LARP1B: variants seen among roughly 807,000 people sequenced by gnomAD.
LARP1B encodes La ribonucleoprotein 1B.
A neutral mutation model predicts 114.2 loss-of-function variants in LARP1B; 76 were observed. That is an observed-to-expected ratio of 0.67 (90% CI 0.55 to 0.81). The LOEUF is 0.81. Among genes scored for constraint, LARP1B ranks in the 30% least tolerant of loss-of-function variants. LARP1B has a pLI of 0.00. For synonymous variants in LARP1B, 345 were observed against 348.0 expected (o/e 0.99, Z 0.10); for missense variants, 1,014 against 1,075.8 (o/e 0.94, Z 0.80).
chr4:128,192,256 A>G (rs1449741758), intron 15 of LARP1B, among the ~76,000 whole-genome samples: 1 of 152,190 alleles, frequency 6.6e-6, no homozygotes, highest in Non-Finnish European at 1.5e-5. Flanking sequence ...GGAAGCCAAA[A>G]TATTCATGTG....
chr4:128,120,314 G>A (rs1787455683), intron 10 of LARP1B, among the ~76,000 whole-genome samples: 1 of 152,112 alleles, frequency 6.6e-6, no homozygotes, highest in African/African-American at 2.4e-5. Context: ...GGTAAAATAG[G>A]CCAGAGGACG....
chr4:128,088,882 G>T (rs562312154), intron 5 of LARP1B, among the ~76,000 whole-genome samples: 4 of 152,044 alleles, frequency 2.6e-5, no homozygotes, highest in Non-Finnish European at 1.5e-5. Flanking sequence ...GGCTTGATCT[G>T]GGAGGGGGAG....
rs570481750 is a variant in LARP1B, at chr4:128,198,015, G to A, written c.2004-1424G>A. On this transcript the variant is annotated intron_variant, in intron 15 of 19. Coordinates refer to ENST00000326639, the MANE Select transcript of LARP1B (RefSeq NM_018078.4). ...TTTTCCTGCCTCAGCCTCCCGAGTA[G>A]CTGGGATTACAGGTACATGCCACCA... Among the ~76,000 whole-genome samples the A allele has an allele frequency of 5.4e-4, 82 of 150,472 alleles. 1 individual carries two copies. The highest frequency in any genetic ancestry group is 1.9e-3 in the African/African-American group (79 of 41,048).
chr4:128,193,011 T>G (rs996722041), intron 15 of LARP1B, among the ~76,000 whole-genome samples: 6 of 151,964 alleles, frequency 3.9e-5, no homozygotes, highest in Admixed American at 6.6e-5. Flanking sequence ...TTAAAAAAAT[T>G]TTTGTTGCGA....
chr4:128,154,903 A>G (rs1734731405), intron 11 of LARP1B, among the ~76,000 whole-genome samples: 1 of 151,938 alleles, frequency 6.6e-6, no homozygotes, highest in African/African-American at 2.4e-5. Context: ...CCTCCTGAGT[A>G]GCTGGGACTA....
chr4:128,204,595 C>T (rs1399916349), intron 17 of LARP1B, among the ~76,000 whole-genome samples: 3 of 150,988 alleles, frequency 2.0e-5, no homozygotes, highest in Admixed American at 1.3e-4. Flanking sequence ...GTGGAGGTTG[C>T]AGTGAGCCGA....
At chr4:128,110,714 G>A (rs1783823500) in intron 9 of LARP1B, among the ~76,000 whole-genome samples, 1 of 140,242 alleles carries the variant, frequency 7.1e-6, no homozygotes, top group East Asian at 2.1e-4. Flanking sequence ...ACCACACAGA[G>A]CATATATGTA....
At position 128,210,149 on chromosome 4, in the gene LARP1B, A is replaced by G. The variant is rs764035289; in HGVS notation, c.*96A>G. 6.4e-7 allele frequency: 1 copy of G among 1,568,664 alleles called. No homozygotes were observed. The highest frequency in any genetic ancestry group is 8.7e-7 in the Non-Finnish European group (1 of 1,155,906). Reference sequence around the variant, plus strand: ...CTTTGTCCTTGAAGTCAACATTTACATCAGTATTTATTTGGGGAAAATCTT... The same window carrying G: ...CTTTGTCCTTGAAGTCAACATTTACGTCAGTATTTATTTGGGGAAAATCTT... On this transcript the variant is annotated 3_prime_UTR_variant, in exon 20 of 20. Transcript: ENST00000326639.
intron 11 of LARP1B, chr4:128,155,826 G>T (rs549936777): frequency 1.9e-6 from 3 of 1,580,646 alleles, no homozygotes; most frequent in African/African-American, 2.7e-5. Flanking sequence ...AGAAATCAGG[G>T]CTGCAGCGAG....
At chr4:128,088,837 A>G (rs933639790) in intron 5 of LARP1B, among the ~76,000 whole-genome samples, 8 of 152,068 alleles carry the variant, frequency 5.3e-5, no homozygotes, top group African/African-American at 1.9e-4. Flanking sequence ...GCAGTGGTGC[A>G]CACCTGTAAT....
chr4:128,151,012 A>T (rs536780071), intron 11 of LARP1B, among the ~76,000 whole-genome samples: 1 of 152,242 alleles, frequency 6.6e-6, no homozygotes, highest in Non-Finnish European at 1.5e-5. Context: ...TATCAGTAAT[A>T]TGCATCTATA....
chr4:128,149,600 AAGGAAAACCT>A (rs1731793800), intron 11 of LARP1B, among the ~76,000 whole-genome samples: 1 of 152,198 alleles, frequency 6.6e-6, no homozygotes, highest in Admixed American at 6.5e-5. Context: ...GGACATTAGC[AAGGAAAACCT>A]AGGAGAGAAT....
intron 4 of LARP1B, 81 bp downstream of exon 4, chr4:128,078,043 C>G (rs1279969969): frequency 1.1e-6 from 1 of 922,050 alleles, no homozygotes. Flanking sequence ...TAACTGATCT[C>G]TGGTAGTCAA....
At chr4:128,182,109 G>A (rs1300849260) in intron 15 of LARP1B, among the ~76,000 whole-genome samples, 2 of 108,368 alleles carry the variant, frequency 1.8e-5, no homozygotes, top group African/African-American at 6.3e-5. Flanking sequence ...ACTGCACCCG[G>A]CCTTTTTTTT....
chr4:128,191,060 A>G (rs893286921), intron 15 of LARP1B, among the ~76,000 whole-genome samples: 1 of 151,488 alleles, frequency 6.6e-6, no homozygotes, highest in African/African-American at 2.4e-5. Context: ...GTTTCTTGCA[A>G]TGTGAGAGCC....
chr4:128,121,658 A>T (rs1387679582), intron 10 of LARP1B, among the ~76,000 whole-genome samples, 168 bp from the exon 11 acceptor site: 2 of 152,188 alleles, frequency 1.3e-5, no homozygotes, highest in Non-Finnish European at 2.9e-5. Flanking sequence ...TTAGTCTTAA[A>T]TTTACTGGGC....
chr4:128,209,572 A>G (rs1422606583), intron 19 of LARP1B, among the ~76,000 whole-genome samples: 1 of 152,194 alleles, frequency 6.6e-6, no homozygotes, highest in Non-Finnish European at 1.5e-5. Flanking sequence ...AGGAAATTTA[A>G]GTTTAGTACC....
chr4:128,177,960 C>T (rs1746923800), intron 13 of LARP1B, among the ~76,000 whole-genome samples: 1 of 151,148 alleles, frequency 6.6e-6, no homozygotes, highest in Non-Finnish European at 1.5e-5. Context: ...TATATTTGTA[C>T]ACCACATACT....
intron 13 of LARP1B, among the ~76,000 whole-genome samples, chr4:128,177,609 G>T (rs1182797566): frequency 1.3e-5 from 2 of 152,232 alleles, no homozygotes; most frequent in South Asian, 2.1e-4. Flanking sequence ...AATTTCACTA[G>T]CAACAACTAG....
Sources: gnomAD v4.1 joint callset for allele counts (sites outside exome capture counted in the v4.1 genomes callset) on GRCh38, gnomAD v4.1.1 for gene constraint, MANE v1.5 for transcripts, NCBI Gene and HGNC (gene_info 2026-07-23, HGNC 2026-07-21) for gene names.